Variants in PDE1B observed in about 807,000 individuals in gnomAD.
PDE1B encodes the protein phosphodiesterase 1B.
Under a neutral mutation model 66.7 loss-of-function variants are expected in PDE1B, and 13 were observed. The ratio of observed to expected loss-of-function variants is 0.19; its 90% CI spans 0.13 to 0.31. The LOEUF (loss-of-function observed/expected upper bound fraction) is 0.31. Among genes scored for constraint, PDE1B ranks in the 10% least tolerant of loss-of-function variants. The probability of loss-of-function intolerance (pLI) is 1.00; values close to 1 mark genes in which losing one functional copy is unlikely to be tolerated. For missense variants in PDE1B, 485 were observed against 682.3 expected (o/e 0.71, Z 3.22); for synonymous variants, 230 against 253.9 (o/e 0.91, Z 0.90).
At chr12:54,577,131 G>A in intron 14 of PDE1B, 94 bp from the exon 15 acceptor site, 4 of 1,053,762 alleles carry the variant, frequency 3.8e-6, no homozygotes, top group Non-Finnish European at 5.7e-6. Context: ...CAGGTTGATG[G>A]ATGAGAATCC....
intron 2 of PDE1B, among the ~76,000 whole-genome samples, chr12:54,562,491 C>T (rs563765531): frequency 2.6e-5 from 4 of 152,202 alleles, no homozygotes; most frequent in Admixed American, 2.0e-4. Flanking sequence ...GTGGACTGGA[C>T]GGGGTTGAGC....
At chr12:54,576,991 G>A (rs1378223508) in intron 14 of PDE1B, 3 of 606,442 alleles carry the variant, frequency 4.9e-6, no homozygotes, top group Non-Finnish European at 8.7e-6. Flanking sequence ...TGGCTAATTT[G>A]GTGGCCCTGG....
chr12:54,577,382 T>G (rs746947522), intron 15 of PDE1B, 37 bp downstream of exon 15: 1 of 1,610,238 alleles, frequency 6.2e-7, no homozygotes, highest in Admixed American at 1.7e-5. Context: ...GGAGAGCTGG[T>G]GTCTATCATG....
chr12:54,567,100 G>A lies in PDE1B; in HGVS notation c.227+13G>A, dbSNP rs761676423. 26 of 1,325,372 alleles carry A rather than the reference G, an allele frequency of 2.0e-5. No homozygotes were observed. Among genetic ancestry groups the A allele is most frequent in the Non-Finnish European group, 2.6e-5 (24 of 925,260 alleles). 82.1% of individuals were successfully genotyped at this position (1,325,372 alleles called of 1,614,324 possible). On this transcript the variant is annotated intron_variant, in intron 3 of 15. Transcript: ENST00000243052. ...TAGATGAGACACGGTGAGAGAGACC[G>A]ACAGACAGAGAAGGAGAAAGATGTC... is the stretch of plus-strand genomic sequence containing the variant.
chr12:54,553,078 CAT>C (rs1957299232), intron 2 of PDE1B, among the ~76,000 whole-genome samples: 1 of 152,198 alleles, frequency 6.6e-6, no homozygotes, highest in African/African-American at 2.4e-5. Context: ...ACAAAACAGA[CAT>C]AGTCCCTCTT....
At chr12:54,555,350 T>C (rs1042347516) in intron 2 of PDE1B, among the ~76,000 whole-genome samples, 1 of 152,174 alleles carries the variant, frequency 6.6e-6, no homozygotes, top group African/African-American at 2.4e-5. Flanking sequence ...TGAAGTCTCT[T>C]AGAATCCAAA....
rs1393164167 is a variant in PDE1B at position 54,575,928 on chromosome 12, C to A, written c.1268-64C>A. The A allele has an allele frequency of 4.2e-6, 5 of 1,197,692 alleles. No individual in the cohort carries two copies. The highest frequency in any genetic ancestry group is 6.2e-6 in the Non-Finnish European group (5 of 801,976). The allele number at this position is 1,197,692 out of a possible 1,614,324, so 74.2% of individuals were successfully genotyped here. A position where few individuals can be genotyped will look rare whatever the true frequency, so the allele number is the denominator to read the frequency against. ...CCAGGGGTCCTGGCCATGCCAGCTG[C>A]ATGCTCTGCCTAGCCCTCCAGATAA... is the stretch of plus-strand genomic sequence containing the variant. On this transcript the variant is annotated intron_variant, in intron 12 of 15. Transcript: ENST00000243052. This position sits in a 1 kb window ranked among gnomAD's most constrained non-coding sequence, Gnocchi z 4.0.
At position 54,569,622 on chromosome 12, in the gene PDE1B, G is replaced by C; in HGVS notation, c.477+10G>C. ...TCTCAACTGTCTCAAGGTAATCTCT[G>C]GGTTTTTGGGAAAGAGGAGAAAGTT... On this transcript the variant is annotated intron_variant, in intron 5 of 15. Transcript: ENST00000243052. This position sits in a 1 kb window ranked among gnomAD's most constrained non-coding sequence, Gnocchi z 4.4. The C allele has an allele frequency of 1.9e-6, 3 of 1,603,000 alleles. No homozygotes were observed. Among genetic ancestry groups the C allele is most frequent in the Non-Finnish European group, 2.6e-6 (3 of 1,169,922 alleles).
intron 13 of PDE1B, 147 bp from the exon 14 acceptor site, chr12:54,576,424 C>A: frequency 1.2e-6 from 1 of 859,598 alleles, no homozygotes; most frequent in Non-Finnish European, 1.8e-6. Flanking sequence ...GGGACAGGGA[C>A]TTGGGGAATA....
intron 3 of PDE1B, among the ~76,000 whole-genome samples, chr12:54,568,467 TACACACACACACACACACACACACAC>T (rs56360853): frequency 1.4e-5 from 2 of 143,374 alleles, no homozygotes; most frequent in Non-Finnish European, 3.0e-5. Flanking sequence ...TGTCTAAAAA[TACACACACACACACACACACACACAC>T]ACACACACAC....
Position 54,549,698 on chromosome 12 carries a change from G to C in PDE1B, c.-88G>C. On this transcript the variant is annotated 5_prime_UTR_variant, in exon 1 of 16. Transcript: ENST00000243052. ...TCGGCTGGGCAGCGGGAGAGGAGGA[G>C]CCGCAGGAGCTGCAGCTCTGCCAGC... 1 of 497,382 alleles carries C rather than the reference G, an allele frequency of 2.0e-6. No homozygotes were observed. Among genetic ancestry groups the C allele is most frequent in the Non-Finnish European group, 3.6e-6 (1 of 280,878 alleles). 30.8% of individuals were successfully genotyped at this position (497,382 alleles called of 1,614,324 possible).
rs780617479 is a variant in PDE1B, at chr12:54,569,275, C to T, written c.319C>T (p.Gln107Ter). ...GGACTGGCTGGCCTCCACCTTCACC[C>T]AGCAGGCCCGGGCCAAAGGCCGCCG... Reference protein sequence around the residue: ...VRDWLASTFTQQARAKGRRAE... With the variant: ...VRDWLASTFT Residue 107 changes from glutamine to a stop codon, truncating the protein, a stop_gained, in exon 4 of 16, where the codon CAG becomes TAG. Coordinates refer to ENST00000243052, the MANE Select transcript of PDE1B (RefSeq NM_000924.4). LOFTEE classifies it high-confidence loss of function. The surrounding 1 kb of genome is among the most constrained non-coding windows in gnomAD (Gnocchi z 4.4). 6.2e-7 allele frequency: 1 copy of T among 1,614,068 alleles called. No individual in the cohort carries two copies. Among genetic ancestry groups the T allele is most frequent in the Non-Finnish European group, 8.5e-7 (1 of 1,179,990 alleles).
In PDE1B at chr12:54,556,065, C is replaced by T. The variant is rs140463824; in HGVS notation, c.113+6080C>T. On this transcript the variant is annotated intron_variant, in intron 2 of 15. Transcript: ENST00000243052. ...GCGTGTCTTTTGCCTTCTCAGTGAC[C>T]TCATCCTCCTAGTCCCTCTGGGGAG... 6.0e-3 allele frequency among the ~76,000 whole-genome samples: 910 copies of T among 152,312 alleles called. 5 individuals are homozygous for T. The highest frequency in any genetic ancestry group is 0.011 in the Non-Finnish European group (740 of 68,030).
chr12:54,556,448 C>T (rs1364071089), intron 2 of PDE1B, among the ~76,000 whole-genome samples: 2 of 152,198 alleles, frequency 1.3e-5, no homozygotes, highest in East Asian at 3.8e-4. Flanking sequence ...CCTGCCCTTG[C>T]CCCTGTGCCC....
chr12:54,577,472 G>T, intron 15 of PDE1B, 127 bp downstream of exon 15: 1 of 1,600,314 alleles, frequency 6.2e-7, no homozygotes, highest in East Asian at 2.2e-5. Flanking sequence ...TGGAGCGAGT[G>T]AAGACATAGA....
intron 6 of PDE1B, 185 bp downstream of exon 6, chr12:54,570,542 C>A (rs1391681590): frequency 6.9e-6 from 4 of 577,130 alleles, no homozygotes; most frequent in Admixed American, 6.0e-5. Context: ...TTCCAGACTT[C>A]ATTAATTGAT....
At chr12:54,576,947 A>G (rs1193515136) in intron 14 of PDE1B, 10 of 605,368 alleles carry the variant, frequency 1.7e-5, no homozygotes, top group Admixed American at 3.0e-5. Context: ...CCCTGTGCAC[A>G]CTGTGGTCCC....
chr12:54,567,311 C>T (rs1432756369), intron 3 of PDE1B, among the ~76,000 whole-genome samples: 1 of 151,150 alleles, frequency 6.6e-6, no homozygotes, highest in Non-Finnish European at 1.5e-5. Flanking sequence ...TGAGACCAGC[C>T]TGGGCAACAT....
Position 54,573,346 on chromosome 12 carries a change from G to A in PDE1B, c.837-9G>A. 1 of 1,614,152 alleles carries A rather than the reference G, an allele frequency of 6.2e-7. No homozygotes were observed. The highest frequency in any genetic ancestry group is 1.1e-5 in the South Asian group (1 of 91,080). ...CAGGGGGTGGTCATGATGACCTTTG[G>A]CTTTGTAGGTCAGAATGTGCCATCG... On this transcript the variant is annotated splice_polypyrimidine_tract_variant and intron_variant, in intron 8 of 15. Coordinates refer to ENST00000243052, the MANE Select transcript of PDE1B (RefSeq NM_000924.4). The surrounding 1 kb of genome is among the most constrained non-coding windows in gnomAD (Gnocchi z 5.2).
Sources: gnomAD v4.1 joint callset for allele counts (sites outside exome capture counted in the v4.1 genomes callset) on GRCh38, gnomAD v4.1.1 for gene constraint, Gnocchi (gnomAD v3.1) non-coding constraint, MANE v1.5 for transcripts, NCBI Gene and HGNC (gene_info 2026-07-23, HGNC 2026-07-21) for gene names.